The following IL1RAPL2 variants were observed in gnomAD, a reference collection of about 807,000 sequenced individuals.
IL1RAPL2 encodes the protein X-linked interleukin-1 receptor accessory protein-like 2.
Under a neutral mutation model 44.1 loss-of-function variants are expected in IL1RAPL2, and 3 were observed. The ratio of observed to expected loss-of-function variants is 0.07; its 90% CI spans 0.03 to 0.18. The LOEUF (loss-of-function observed/expected upper bound fraction) is 0.18. IL1RAPL2 is among the 10% of genes least tolerant of loss of function. The pLI is 1.00. For synonymous variants in IL1RAPL2, 181 were observed against 178.8 expected, an observed-to-expected ratio of 1.01 and a Z score of -0.10; for missense variants, 391 against 496.4, an observed-to-expected ratio of 0.79 and a Z score of 2.02.
At chrX:105,464,703 A>T (rs888648748) in intron 5 of IL1RAPL2, among the ~76,000 whole-genome samples, 1 of 111,901 alleles carries the variant, frequency 8.9e-6, no homozygotes. Flanking sequence ...ATTTAATCAC[A>T]AATGTTAGTT....
At chrX:105,061,581 T>C (rs563935077) in intron 2 of IL1RAPL2, among the ~76,000 whole-genome samples, 3 of 112,166 alleles carry the variant, frequency 2.7e-5, no homozygotes, top group East Asian at 5.6e-4. Flanking sequence ...TTAAGTTCAA[T>C]GTTTCTTTAG....
At chrX:105,727,984 C>T (rs1268475204) in intron 7 of IL1RAPL2, among the ~76,000 whole-genome samples, 1 of 111,474 alleles carries the variant, frequency 9.0e-6, no homozygotes, top group Non-Finnish European at 1.9e-5. Context: ...TCCAGCACCA[C>T]AGTGGTGCAT....
chrX:105,124,753 GA>G (rs1328156232), intron 2 of IL1RAPL2, among the ~76,000 whole-genome samples: 1 of 110,747 alleles, frequency 9.0e-6, no homozygotes, highest in East Asian at 2.8e-4. Context: ...ACTATTAAGA[GA>G]AGGTGTCTAT....
At chrX:104,980,346 C>G (rs1005747471) in intron 2 of IL1RAPL2, among the ~76,000 whole-genome samples, 7 of 111,594 alleles carry the variant, frequency 6.3e-5, no homozygotes, top group African/African-American at 2.3e-4. Context: ...GGGTAATGAA[C>G]TTTTTGAGTG....
At chrX:104,577,948 T>C (rs1487479076) in intron 1 of IL1RAPL2, among the ~76,000 whole-genome samples, 1 of 111,675 alleles carries the variant, frequency 9.0e-6, no homozygotes, top group Admixed American at 9.5e-5. Flanking sequence ...ACTCTGTGGT[T>C]TTGAATTGGA....
intron 2 of IL1RAPL2, among the ~76,000 whole-genome samples, chrX:104,891,767 C>G (rs1459648495): frequency 1.8e-5 from 2 of 111,382 alleles, no homozygotes; most frequent in Non-Finnish European, 3.8e-5. Flanking sequence ...TCCTCTTTTC[C>G]TAATTGAATA....
chrX:105,533,176 C>T (rs986656486), intron 6 of IL1RAPL2, among the ~76,000 whole-genome samples: 1 of 110,558 alleles, frequency 9.0e-6, no homozygotes, highest in African/African-American at 3.3e-5. Flanking sequence ...GGCGACAGCG[C>T]AAGACTCCAT....
At chrX:104,573,253 G>T (rs950217774) in intron 1 of IL1RAPL2, among the ~76,000 whole-genome samples, 1 of 111,829 alleles carries the variant, frequency 8.9e-6, no homozygotes, top group Non-Finnish European at 1.9e-5. Context: ...CTCTAGAAGT[G>T]CTCTATTCAA....
At chrX:105,091,806 C>T (rs758558586) in intron 2 of IL1RAPL2, among the ~76,000 whole-genome samples, 2 of 111,936 alleles carry the variant, frequency 1.8e-5, no homozygotes, top group South Asian at 7.5e-4. Flanking sequence ...CCAACACTTA[C>T]AATGCCTCAC....
At chrX:105,424,999 A>G (rs1365462588) in intron 5 of IL1RAPL2, among the ~76,000 whole-genome samples, 1 of 110,134 alleles carries the variant, frequency 9.1e-6, no homozygotes, top group Non-Finnish European at 1.9e-5. Context: ...TCTCCATCCA[A>G]CTGAGCCACC....
intron 5 of IL1RAPL2, among the ~76,000 whole-genome samples, chrX:105,276,804 T>C (rs2034490055): frequency 8.9e-6 from 1 of 111,959 alleles, no homozygotes; most frequent in Admixed American, 9.5e-5. Context: ...GTTCCACTAT[T>C]TCCATCTCTA....
At chrX:105,266,589 T>C (rs1179123420) in intron 4 of IL1RAPL2, among the ~76,000 whole-genome samples, 2 of 111,980 alleles carry the variant, frequency 1.8e-5, no homozygotes, top group Non-Finnish European at 3.8e-5. Context: ...TATTAAACAT[T>C]CCTTTCTAGA....
At chrX:105,320,436 G>C (rs546276623) in intron 5 of IL1RAPL2, among the ~76,000 whole-genome samples, 1 of 111,832 alleles carries the variant, frequency 8.9e-6, no homozygotes, top group Non-Finnish European at 1.9e-5. Flanking sequence ...TCAGTAAGGT[G>C]GGGGGAGGAG....
At chrX:104,930,261 A>G (rs1422325610) in intron 2 of IL1RAPL2, among the ~76,000 whole-genome samples, 1 of 112,184 alleles carries the variant, frequency 8.9e-6, no homozygotes, top group Non-Finnish European at 1.9e-5. Flanking sequence ...AATAGTACTG[A>G]TAATTTTATG....
chrX:104,914,308 T>C (rs1407332874), intron 2 of IL1RAPL2, among the ~76,000 whole-genome samples: 1 of 111,933 alleles, frequency 8.9e-6, no homozygotes, highest in Non-Finnish European at 1.9e-5. Flanking sequence ...AAGGGTAATG[T>C]GGGTTTGGAG....
intron 2 of IL1RAPL2, among the ~76,000 whole-genome samples, chrX:105,067,522 T>C (rs1265979095): frequency 1.8e-5 from 2 of 111,659 alleles, no homozygotes; most frequent in Non-Finnish European, 3.8e-5. Context: ...CATTCTATAA[T>C]AGCTACTCAT....
chrX:105,347,769 T>C (rs983161966), intron 5 of IL1RAPL2, among the ~76,000 whole-genome samples: 5 of 111,198 alleles, frequency 4.5e-5, no homozygotes, highest in African/African-American at 1.6e-4. Flanking sequence ...GGATACTTAC[T>C]GTAGGATGCT....
At chrX:104,656,106 G>T (rs1232184141) in intron 1 of IL1RAPL2, among the ~76,000 whole-genome samples, 2 of 109,790 alleles carry the variant, frequency 1.8e-5, no homozygotes, top group Non-Finnish European at 3.8e-5. Flanking sequence ...CAATTTTTTT[G>T]ATCTTTTCAA....
intron 1 of IL1RAPL2, among the ~76,000 whole-genome samples, chrX:104,627,740 G>A (rs188767242): frequency 9.0e-6 from 1 of 111,059 alleles, no homozygotes; most frequent in Admixed American, 9.6e-5. Context: ...ATGTTTTATG[G>A]TACTTAAAAC....
Sources: allele counts gnomAD v4.1 joint callset (sites outside exome capture counted in the v4.1 genomes callset), GRCh38; gene constraint gnomAD v4.1.1; transcripts MANE v1.5; gene names NCBI Gene and HGNC (gene_info 2026-07-23, HGNC 2026-07-21).